Variants in LEF1 observed in about 807,000 individuals in gnomAD.
LEF1 encodes lymphoid enhancer-binding factor 1.
Under a neutral mutation model 51.2 loss-of-function variants are expected in LEF1, and 14 were observed. The ratio of observed to expected loss-of-function variants is 0.27; its 90% CI spans 0.18 to 0.43. The LOEUF (loss-of-function observed/expected upper bound fraction) is 0.43. Among genes scored for constraint, LEF1 ranks in the 20% least tolerant of loss-of-function variants. LEF1 has a pLI of 1.00. For missense variants in LEF1, 386 were observed against 512.0 expected (o/e 0.75, Z 2.37); for synonymous variants, 185 against 183.2 (o/e 1.01, Z -0.08).
chr4:108,106,565 C>T (rs1344965154), intron 3 of LEF1, among the ~76,000 whole-genome samples: 2 of 152,122 alleles, frequency 1.3e-5, no homozygotes, highest in East Asian at 1.9e-4. Context: ...GATGTACACA[C>T]ATTAGGGTAC....
At chr4:108,099,819 T>TA (rs199911385) in intron 3 of LEF1, among the ~76,000 whole-genome samples, 1,847 of 151,208 alleles carry the variant, frequency 0.012, 38 homozygotes, top group African/African-American at 0.041. Flanking sequence ...TTTTATGGTG[T>TA]AAAAAAAATT....
intron 8 of LEF1, among the ~76,000 whole-genome samples, chr4:108,073,606 T>C (rs6815281): frequency 0.85 from 128,600 of 152,044 alleles, 55,542 homozygotes; most frequent in East Asian, 0.97. Flanking sequence ...TAACTTACAG[T>C]AGCTGAGAAA....
rs553785275 is a variant in LEF1 at position 108,114,835 on chromosome 4, G to T, written c.415-25578C>A. ...GAACTACCCTTCCTTGTTATAAATG[G>T]AACAGCCGGCTTCCTCTGTGAACAG... On this transcript the variant is annotated intron_variant, in intron 3 of 11. Coordinates refer to ENST00000265165, the MANE Select transcript of LEF1 (RefSeq NM_016269.5). Among the ~76,000 whole-genome samples, 274 of 152,328 alleles carry T rather than the reference G, an allele frequency of 1.8e-3. 1 individual carries two copies. Among genetic ancestry groups the T allele is most frequent in the Non-Finnish European group, 3.0e-3 (206 of 68,026 alleles).
intron 11 of LEF1, among the ~76,000 whole-genome samples, chr4:108,050,769 A>G (rs1368355450): frequency 6.6e-6 from 1 of 152,194 alleles, no homozygotes; most frequent in Admixed American, 6.5e-5. Flanking sequence ...ATTGGCAGCC[A>G]GGAACGCCTG....
intron 3 of LEF1, among the ~76,000 whole-genome samples, chr4:108,118,361 T>C (rs113702217): frequency 5.3e-5 from 8 of 152,256 alleles, no homozygotes; most frequent in African/African-American, 1.9e-4. Flanking sequence ...ACAGATCGAT[T>C]TGTCAACAGT....
At chr4:108,155,248 T>C (rs1366346739) in intron 3 of LEF1, among the ~76,000 whole-genome samples, 6 of 152,192 alleles carry the variant, frequency 3.9e-5, no homozygotes, top group Non-Finnish European at 8.8e-5. Context: ...TAGAAGGATA[T>C]GAGACTTTCG....
chr4:108,132,659 CTTTTTTTTTT>C (rs749911957), intron 3 of LEF1, among the ~76,000 whole-genome samples: 5 of 47,442 alleles, frequency 1.1e-4, no homozygotes, highest in Admixed American at 4.4e-4. Context: ...GAAAATCTGC[CTTTTTTTTTT>C]TTTTTTTTTT....
At position 108,081,648 on chromosome 4, in the gene LEF1, G is replaced by T; in HGVS notation, c.660C>A (p.Pro220=). Residue 220 remains proline, a synonymous_variant, in exon 6 of 12, where the codon CCC becomes CCA. Transcript: ENST00000265165. The part of the protein sequence containing the change: ...PLGWQGQPVY[P]ITGGFRQPYP... Reference sequence around the variant, plus strand: ...AGGGTTGCCTGAATCCACCCGTGATGGGATATACAGGCTGACCTTGCCTGA... The same window carrying T: ...AGGGTTGCCTGAATCCACCCGTGATTGGATATACAGGCTGACCTTGCCTGA... 1 of 1,614,038 alleles carries T rather than the reference G, an allele frequency of 6.2e-7. No individual in the cohort carries two copies. The highest frequency in any genetic ancestry group is 8.5e-7 in the Non-Finnish European group (1 of 1,179,948).
At chr4:108,132,217 T>C (rs1742940619) in intron 3 of LEF1, among the ~76,000 whole-genome samples, 1 of 152,206 alleles carries the variant, frequency 6.6e-6, no homozygotes, top group African/African-American at 2.4e-5. Context: ...GTATTCCCAC[T>C]GACATTCTGG....
intron 3 of LEF1, among the ~76,000 whole-genome samples, chr4:108,136,878 A>G (rs1007893281): frequency 2.0e-5 from 3 of 152,178 alleles, no homozygotes; most frequent in Non-Finnish European, 4.4e-5. Context: ...GTCATTGAAA[A>G]CTAAATAGCT....
chr4:108,124,131 C>T (rs1396914513), intron 3 of LEF1, among the ~76,000 whole-genome samples: 5 of 152,050 alleles, frequency 3.3e-5, no homozygotes, highest in Non-Finnish European at 7.4e-5. Flanking sequence ...CAGAGAGACT[C>T]TACCTTAAAA....
rs1276766100 is a variant in LEF1 at position 108,167,383 on chromosome 4, C to CACAA, written c.213+171_213+172insTTGT. On this transcript the variant is annotated intron_variant, in intron 1 of 11. Coordinates refer to ENST00000265165, the MANE Select transcript of LEF1 (RefSeq NM_016269.5). The surrounding 1 kb of genome is among the most constrained non-coding windows in gnomAD (Gnocchi z 5.7). ...ACACACACACACACACACACACACA[C>CACAA]ACACACACACACTGCGGACCGGGGG... 13 of 629,164 alleles carry CACAA rather than the reference C, an allele frequency of 2.1e-5. No homozygotes were observed. The highest frequency in any genetic ancestry group is 2.7e-5 in the East Asian group (1 of 36,816). The allele number at this position is 629,164 out of a possible 1,614,324, so 39.0% of individuals were successfully genotyped here.
chr4:108,165,482 A>G (rs540973875), intron 1 of LEF1, among the ~76,000 whole-genome samples: 1 of 152,324 alleles, frequency 6.6e-6, no homozygotes. Flanking sequence ...GGCTCCTTGG[A>G]TGCCTAATAT....
chr4:108,094,153 C>T (rs897629393), intron 3 of LEF1, among the ~76,000 whole-genome samples: 1 of 152,176 alleles, frequency 6.6e-6, no homozygotes, highest in Non-Finnish European at 1.5e-5. Flanking sequence ...CTGAGGTGAC[C>T]ATTTGGGCCA....
At chr4:108,120,107 A>G (rs954692905) in intron 3 of LEF1, among the ~76,000 whole-genome samples, 1 of 151,678 alleles carries the variant, frequency 6.6e-6, no homozygotes, top group African/African-American at 2.4e-5. Context: ...TCACGGCTCA[A>G]TGTAGCCTTG....
At chr4:108,089,497 G>A (rs1252166962) in intron 3 of LEF1, among the ~76,000 whole-genome samples, 1 of 152,164 alleles carries the variant, frequency 6.6e-6, no homozygotes, top group Non-Finnish European at 1.5e-5. Flanking sequence ...TTTCACCAGT[G>A]ACTCTTCAGG....
chr4:108,130,724 C>T (rs1169288710), intron 3 of LEF1, among the ~76,000 whole-genome samples: 8 of 145,494 alleles, frequency 5.5e-5, no homozygotes, highest in African/African-American at 7.6e-5. Context: ...AGTGAGACTC[C>T]GACTCAAAAA....
chr4:108,064,355 T>C lies in LEF1; in HGVS notation c.1146A>G (p.Lys382=). The C allele has an allele frequency of 6.2e-7, 1 of 1,612,088 alleles. No individual in the cohort carries two copies. Among genetic ancestry groups the C allele is most frequent in the South Asian group, 1.1e-5 (1 of 90,992 alleles). The part of the protein sequence containing the change: ...YGKKKKRKRE[K]LQESASGTGP... Reference sequence around the variant, plus strand: ...GCCTACCTGATGCAGATTCCTGTAGTTTCTCTCTCTTCCTCTTCTTTTTCT... The same window carrying C: ...GCCTACCTGATGCAGATTCCTGTAGCTTCTCTCTCTTCCTCTTCTTTTTCT... The change falls in exon 10 of 12, where the codon AAA becomes AAG. Residue 382 remains lysine (K), a synonymous_variant. Transcript: ENST00000265165.
At chr4:108,113,226 A>C (rs1168236526) in intron 3 of LEF1, among the ~76,000 whole-genome samples, 1 of 152,224 alleles carries the variant, frequency 6.6e-6, no homozygotes, top group East Asian at 1.9e-4. Flanking sequence ...ATCAGAAAGA[A>C]AGCTACATGG....
Sources: allele counts gnomAD v4.1 joint callset (sites outside exome capture counted in the v4.1 genomes callset), GRCh38; gene constraint gnomAD v4.1.1; non-coding constraint Gnocchi (gnomAD v3.1); transcripts MANE v1.5; gene names NCBI Gene and HGNC (gene_info 2026-07-23, HGNC 2026-07-21).